The following ZC2HC1B variants were observed in gnomAD, a reference collection of about 807,000 sequenced individuals.
ZC2HC1B encodes the protein zinc finger C2HC domain-containing protein 1B.
ZC2HC1B carries 36 observed loss-of-function variants against 31.0 expected under a neutral mutation model. That is an observed-to-expected ratio of 1.16 (90% confidence interval 0.89 to 1.54). ZC2HC1B has a LOEUF of 1.54. ZC2HC1B is among the 40% of genes most tolerant of loss of function. The probability of loss-of-function intolerance (pLI) is 0.00; values close to 1 mark genes in which losing one functional copy is unlikely to be tolerated. For synonymous variants in ZC2HC1B, 73 were observed against 88.0 expected (o/e 0.83, Z 0.95); for missense variants, 260 against 268.6 (o/e 0.97, Z 0.22).
chr6:143,912,827 C>T (rs1777875857), intron 6 of ZC2HC1B, among the ~76,000 whole-genome samples: 1 of 152,278 alleles, frequency 6.6e-6, no homozygotes, highest in Non-Finnish European at 1.5e-5. Flanking sequence ...CCAAGGCCCA[C>T]AGGCTGGACA....
At chr6:143,867,658 A>G (rs1777280856) in intron 1 of ZC2HC1B, among the ~76,000 whole-genome samples, 1 of 152,224 alleles carries the variant, frequency 6.6e-6, no homozygotes, top group South Asian at 2.1e-4. Flanking sequence ...CAGGCACTTT[A>G]TTAGAATATA....
intron 1 of ZC2HC1B, among the ~76,000 whole-genome samples, chr6:143,882,705 C>T (rs964414411): frequency 1.3e-5 from 2 of 152,044 alleles, no homozygotes; most frequent in Admixed American, 1.3e-4. Flanking sequence ...CAATATCATG[C>T]CTTTACTTCA....
rs559024542 is a variant in ZC2HC1B, at chr6:143,917,034, A to G, written c.598+13882A>G. Among the ~76,000 whole-genome samples, 1 of 152,222 alleles carries G rather than the reference A, an allele frequency of 6.6e-6. No individual in the cohort carries two copies. The highest frequency in any genetic ancestry group is 1.5e-5 in the Non-Finnish European group (1 of 68,042). ...TATAGTTTGGCTCTGTCCCTACCCA[A>G]ATATCATCTTGAATTCCCATGTGTT... On this transcript the variant is annotated intron_variant, in intron 6 of 7. Coordinates refer to ENST00000237275, the MANE Select transcript of ZC2HC1B (RefSeq NM_001013623.3). This position sits in a 1 kb window ranked among gnomAD's most constrained non-coding sequence, Gnocchi z 4.1.
At position 143,923,736 on chromosome 6, in the gene ZC2HC1B, T is replaced by G. The variant is rs78122185; in HGVS notation, c.599-13913T>G. On this transcript the variant is annotated intron_variant, in intron 6 of 7. Transcript: ENST00000237275. This position sits in a 1 kb window ranked among gnomAD's most constrained non-coding sequence, Gnocchi z 4.8. The stretch of plus-strand genomic sequence containing the variant: ...TCCCCAATTTATATTCTTAATGGCT[T>G]TGTTGAAAATCAGTTAGCTGTAAAT... Among the ~76,000 whole-genome samples the G allele has an allele frequency of 0.019, 2,948 of 152,256 alleles. 101 individuals carry two copies. Among genetic ancestry groups the G allele is most frequent in the African/African-American group, 0.067 (2,772 of 41,550 alleles).
At chr6:143,936,227 TG>T (rs1778176664) in intron 6 of ZC2HC1B, among the ~76,000 whole-genome samples, 1 of 152,204 alleles carries the variant, frequency 6.6e-6, no homozygotes, top group South Asian at 2.1e-4. Flanking sequence ...AAAGAGCACC[TG>T]GTATTAAGTG....
chr6:143,919,046 T>C (rs1777954023), intron 6 of ZC2HC1B, among the ~76,000 whole-genome samples: 1 of 152,182 alleles, frequency 6.6e-6, no homozygotes. Context: ...AGATCTGTCA[T>C]CAGGTCTTTT....
intron 6 of ZC2HC1B, among the ~76,000 whole-genome samples, chr6:143,927,682 G>A (rs1778069126): frequency 2.0e-5 from 3 of 152,154 alleles, no homozygotes; most frequent in Non-Finnish European, 2.9e-5. Context: ...GGATCAAAGG[G>A]TAGTTCTATT....
At chr6:143,897,316 A>T (rs974844977) in intron 4 of ZC2HC1B, among the ~76,000 whole-genome samples, 2 of 149,698 alleles carry the variant, frequency 1.3e-5, no homozygotes, top group Admixed American at 1.4e-4. Flanking sequence ...CTAGTGTGCT[A>T]TCCCTTTAAG....
intron 1 of ZC2HC1B, among the ~76,000 whole-genome samples, chr6:143,879,502 C>T (rs1371041749): frequency 1.3e-5 from 2 of 152,146 alleles, no homozygotes; most frequent in African/African-American, 4.8e-5. Flanking sequence ...ATTCCACCCC[C>T]TTGCCATAGG....
chr6:143,873,125 AT>A (rs1291200052), intron 1 of ZC2HC1B, among the ~76,000 whole-genome samples: 2 of 152,236 alleles, frequency 1.3e-5, no homozygotes, highest in Non-Finnish European at 2.9e-5. Flanking sequence ...TATTGGGTAA[AT>A]ACAGCCATTT....
intron 6 of ZC2HC1B, among the ~76,000 whole-genome samples, chr6:143,910,510 C>T (rs951440038): frequency 5.3e-5 from 8 of 152,100 alleles, no homozygotes; most frequent in South Asian, 2.1e-4. Context: ...GTTCAAGTCC[C>T]GAATATCTTT....
chr6:143,882,560 T>C (rs1179624184), intron 1 of ZC2HC1B, among the ~76,000 whole-genome samples: 1 of 151,710 alleles, frequency 6.6e-6, no homozygotes, highest in Non-Finnish European at 1.5e-5. Context: ...TTTTTCAAAC[T>C]GTCTTCCTTC....
intron 6 of ZC2HC1B, among the ~76,000 whole-genome samples, chr6:143,935,238 C>G (rs1778162681): frequency 1.3e-5 from 2 of 152,040 alleles, no homozygotes; most frequent in Admixed American, 6.6e-5. Context: ...TAGAAGCTGA[C>G]CACAGGCAGG....
rs1200121229 is a variant in ZC2HC1B, at chr6:143,918,649, TC to T, written c.598+15498del. ...CAGCCATTATTTCTCTCTGCTCTTT[TC>T]TCTCTCTGCTCCTTCAGGTATTCCC... On this transcript the variant is annotated intron_variant, in intron 6 of 7. Coordinates refer to ENST00000237275, the MANE Select transcript of ZC2HC1B (RefSeq NM_001013623.3). The surrounding 1 kb of genome is among the most constrained non-coding windows in gnomAD (Gnocchi z 4.1). Among the ~76,000 whole-genome samples, 9 of 152,310 alleles carry T rather than the reference TC, an allele frequency of 5.9e-5. No homozygotes were observed. Among genetic ancestry groups the T allele is most frequent in the Middle Eastern group, 3.4e-3 (1 of 294 alleles).
At chr6:143,929,705 TTTG>T (rs141901686) in intron 6 of ZC2HC1B, among the ~76,000 whole-genome samples, 3 of 152,156 alleles carry the variant, frequency 2.0e-5, no homozygotes, top group East Asian at 1.9e-4. Context: ...CCTGGGCTCT[TTTG>T]TTGTTGTTGT....
In ZC2HC1B at chr6:143,915,447, T is replaced by G. The variant is rs1052788332; in HGVS notation, c.598+12295T>G. 6.6e-6 allele frequency among the ~76,000 whole-genome samples: 1 copy of G among 151,926 alleles called. No individual in the cohort carries two copies. Among genetic ancestry groups the G allele is most frequent in the African/African-American group, 2.4e-5 (1 of 41,366 alleles). On this transcript the variant is annotated intron_variant, in intron 6 of 7. Transcript: ENST00000237275. The surrounding 1 kb of genome is among the most constrained non-coding windows in gnomAD (Gnocchi z 5.2). The stretch of plus-strand genomic sequence containing the variant: ...ATACAGTAAATTGGTACCAGTAGAG[T>G]GGGGCGCTGCTGAAAAGATATCTGA...
In ZC2HC1B at chr6:143,883,108, T is replaced by A; in HGVS notation, c.29-1196T>A. Among the ~76,000 whole-genome samples, 1 of 152,132 alleles carries A rather than the reference T, an allele frequency of 6.6e-6. No individual in the cohort carries two copies. The highest frequency in any genetic ancestry group is 1.9e-4 in the East Asian group (1 of 5,180). On this transcript the variant is annotated intron_variant, in intron 1 of 7. Transcript: ENST00000237275. This position sits in a 1 kb window ranked among gnomAD's most constrained non-coding sequence, Gnocchi z 4.1. Reference sequence around the variant, plus strand: ...AGGCTGGAGTGCAGTGTTATGATCATGGCTCACTGCAACTTCTGCCTCCTG... The same window carrying A: ...AGGCTGGAGTGCAGTGTTATGATCAAGGCTCACTGCAACTTCTGCCTCCTG...
In ZC2HC1B at chr6:143,934,543, A is replaced by G. The variant is rs547122851; in HGVS notation, c.599-3106A>G. On this transcript the variant is annotated intron_variant, in intron 6 of 7. Coordinates refer to ENST00000237275, the MANE Select transcript of ZC2HC1B (RefSeq NM_001013623.3). This position sits in a 1 kb window ranked among gnomAD's most constrained non-coding sequence, Gnocchi z 4.6. ...TTATGTTTCTTGTGTTCCTATGCCA[A>G]TATCTCTGCATCTGGTGTAACAGTC... Among the ~76,000 whole-genome samples the G allele has an allele frequency of 7.2e-5, 11 of 152,186 alleles. No individual in the cohort carries two copies. Among genetic ancestry groups the G allele is most frequent in the Non-Finnish European group, 1.6e-4 (11 of 68,028 alleles).
intron 6 of ZC2HC1B, among the ~76,000 whole-genome samples, chr6:143,925,345 T>G (rs1032280204): frequency 6.6e-6 from 1 of 150,750 alleles, no homozygotes; most frequent in African/African-American, 2.4e-5. Flanking sequence ...CTGGCTAATT[T>G]TTTGTATTTT....
Sources: gnomAD v4.1 joint callset for allele counts (sites outside exome capture counted in the v4.1 genomes callset) on GRCh38, gnomAD v4.1.1 for gene constraint, Gnocchi (gnomAD v3.1) non-coding constraint, MANE v1.5 for transcripts, NCBI Gene and HGNC (gene_info 2026-07-23, HGNC 2026-07-21) for gene names.